Variants in DCLK3 observed in about 807,000 individuals in gnomAD.
The protein encoded by DCLK3 is doublecortin like kinase 3, also known as serine/threonine-protein kinase DCLK3.
DCLK3 carries 30 observed loss-of-function variants against 46.4 expected under a neutral mutation model. The ratio of observed to expected loss-of-function variants is 0.65; its 90% confidence interval spans 0.48 to 0.88. The LOEUF (loss-of-function observed/expected upper bound fraction) is 0.88, where lower values mean the gene tolerates loss of function less well. Among genes scored for constraint, DCLK3 ranks in the 40% least tolerant of loss-of-function variants. The pLI, the probability that DCLK3 is intolerant of heterozygous loss-of-function variation, is 0.00. For missense variants in DCLK3, 846 were observed against 907.1 expected, an observed-to-expected ratio of 0.93 and a Z score of 0.87; for synonymous variants, 401 against 339.2, an observed-to-expected ratio of 1.18 and a Z score of -2.00.
At chr3:36,735,549 C>G (rs561671451) in intron 2 of DCLK3, among the ~76,000 whole-genome samples, 1 of 152,138 alleles carries the variant, frequency 6.6e-6, no homozygotes, top group African/African-American at 2.4e-5. Context: ...TACAGACAGG[C>G]AAATGCAACT....
At chr3:36,726,400 C>T (rs561811379) in intron 2 of DCLK3, among the ~76,000 whole-genome samples, 24 of 152,044 alleles carry the variant, frequency 1.6e-4, no homozygotes, top group African/African-American at 5.5e-4. Context: ...CTCATTAGTG[C>T]CACCACAGCT....
At chr3:36,718,681 C>G (rs1701018124) in intron 3 of DCLK3, among the ~76,000 whole-genome samples, 1 of 152,298 alleles carries the variant, frequency 6.6e-6, no homozygotes, top group Middle Eastern at 3.4e-3. Flanking sequence ...GTTAGAGAAG[C>G]CCCAGTCTAC....
chr3:36,717,978 C>T (rs770608885), intron 4 of DCLK3, 32 bp downstream of exon 4: 3 of 1,613,468 alleles, frequency 1.9e-6, no homozygotes, highest in African/African-American at 1.3e-5. Context: ...CCCATCCGCT[C>T]CTCTGCTGTG....
chr3:36,713,788 G>A lies in DCLK3; in HGVS notation c.*1540C>T, dbSNP rs1010501217. On this transcript the variant is annotated 3_prime_UTR_variant, in exon 5 of 5. Transcript: ENST00000636136. Reference sequence around the variant, plus strand: ...ACCAACAGTTCAGCCAACCCCCATGGGCAGGTCCGTAGTTGGATGGCCCTT... The same window carrying A: ...ACCAACAGTTCAGCCAACCCCCATGAGCAGGTCCGTAGTTGGATGGCCCTT... 1 of 152,312 alleles carries A rather than the reference G, an allele frequency of 6.6e-6. No individual in the cohort carries two copies. The highest frequency in any genetic ancestry group is 2.1e-4 in the South Asian group (1 of 4,830). 9.4% of individuals were successfully genotyped at this position (152,312 alleles called of 1,614,324 possible).
rs763013993 is a variant in DCLK3 at position 36,737,993 on chromosome 3, T to G, written c.1174A>C (p.Lys392Gln). 6.2e-7 allele frequency: 1 copy of G among 1,614,090 alleles called. No homozygotes were observed. Among genetic ancestry groups the G allele is most frequent in the Non-Finnish European group, 8.5e-7 (1 of 1,180,052 alleles). Residue 392 changes from lysine to glutamine, a missense_variant, in exon 2 of 5, where the codon AAG becomes CAG. Lys to Gln is a moderately conservative substitution (Grantham distance 53, BLOSUM62 1). Coordinates refer to ENST00000636136, the MANE Select transcript of DCLK3 (RefSeq NM_001394672.2). The surrounding 1 kb of genome is among the most constrained non-coding windows in gnomAD (Gnocchi z 4.4). ...ELRRPSKSMD[K>Q]KEDRGPEDQE... ...TCCTCTGGGCCTCTGTCCTCTTTCTTGTCCATGCTCTTGCTGGGTCTCCTC... is the reference window on the plus strand; with the variant it reads ...TCCTCTGGGCCTCTGTCCTCTTTCTGGTCCATGCTCTTGCTGGGTCTCCTC...
rs1262239654 is a variant in DCLK3, at chr3:36,718,011, A to G, written c.2259T>C (p.Asp753=). Residue 753 remains aspartate, a splice_region_variant and synonymous_variant, in exon 4 of 5, where the codon GAT becomes GAC. Coordinates refer to ENST00000636136, the MANE Select transcript of DCLK3 (RefSeq NM_001394672.2). ...GTGTGAGGAAGCCCCAAATCTCACC[A>G]TCAGAGATATTGTCCCAGTAAGGGG... ...FLPPYWDNIS[D]AAKDLVSRLL... The G allele has an allele frequency of 6.2e-7, 1 of 1,614,142 alleles. No individual in the cohort carries two copies.
chr3:36,735,891 G>A (rs1701255640), intron 2 of DCLK3, among the ~76,000 whole-genome samples: 1 of 152,182 alleles, frequency 6.6e-6, no homozygotes, highest in South Asian at 2.1e-4. Flanking sequence ...TCTAGGTTTG[G>A]GAGCACAATC....
chr3:36,734,990 T>A (rs1701243175), intron 2 of DCLK3, among the ~76,000 whole-genome samples: 1 of 152,222 alleles, frequency 6.6e-6, no homozygotes. Context: ...AACCAACTGG[T>A]TCCAGGATCT....
At chr3:36,723,636 G>C (rs1701089531) in intron 2 of DCLK3, among the ~76,000 whole-genome samples, 1 of 152,198 alleles carries the variant, frequency 6.6e-6, no homozygotes, top group South Asian at 2.1e-4. Context: ...CAAACGTAGA[G>C]CTCGAGTTGT....
chr3:36,738,380 T>G lies in DCLK3; in HGVS notation c.787A>C (p.Lys263Gln). The G allele has an allele frequency of 6.7e-7, 1 of 1,497,578 alleles. No homozygotes were observed. Among genetic ancestry groups the G allele is most frequent in the African/African-American group, 1.4e-5 (1 of 70,642 alleles). The allele number at this position is 1,497,578 out of a possible 1,614,324, so 92.8% of individuals were successfully genotyped here. ...SLDDRARTQKKWGRGKWEPEP... is the reference protein window; with the variant it reads ...SLDDRARTQKQWGRGKWEPEP... ...GGCTCCCATTTCCCCCTCCCCCACTTCTTCTGGGTCCTCGCTCTGTCATCT... is the reference window on the plus strand; with the variant it reads ...GGCTCCCATTTCCCCCTCCCCCACTGCTTCTGGGTCCTCGCTCTGTCATCT... The change falls in exon 2 of 5, where the codon AAG (lysine) becomes CAG (glutamine). Residue 263 changes from lysine (K) to glutamine (Q), a missense_variant. By Grantham distance (53) the Lys-to-Gln change is moderately conservative. Around this residue, in one of 3 missense-constraint regions of DCLK3, gnomAD observed 553 missense variants for 543.0 expected, o/e 1.02. Transcript: ENST00000636136.
intron 2 of DCLK3, among the ~76,000 whole-genome samples, chr3:36,732,190 G>A (rs1181880270): frequency 1.3e-5 from 2 of 152,182 alleles, no homozygotes; most frequent in Non-Finnish European, 2.9e-5. Flanking sequence ...CTTTAAAATT[G>A]TTTTTGTTGC....
chr3:36,759,421 G>C (rs1044813950), intron 1 of DCLK3, among the ~76,000 whole-genome samples: 1 of 152,164 alleles, frequency 6.6e-6, no homozygotes, highest in Non-Finnish European at 1.5e-5. Flanking sequence ...TTTTCCAGAT[G>C]GCAAGGCTGA....
At chr3:36,753,107 G>A (rs1048485628) in intron 1 of DCLK3, among the ~76,000 whole-genome samples, 5 of 152,130 alleles carry the variant, frequency 3.3e-5, no homozygotes, top group African/African-American at 7.2e-5. Flanking sequence ...AATTTTTAGT[G>A]GATGGTAGTT....
intron 3 of DCLK3, among the ~76,000 whole-genome samples, chr3:36,720,459 C>G (rs1192700582): frequency 6.6e-6 from 1 of 151,630 alleles, no homozygotes; most frequent in Non-Finnish European, 1.5e-5. Context: ...CTAGTCTTCT[C>G]CATGTCTCTA....
intron 1 of DCLK3, among the ~76,000 whole-genome samples, chr3:36,751,803 G>T (rs1010247267): frequency 6.6e-6 from 1 of 152,234 alleles, no homozygotes; most frequent in Non-Finnish European, 1.5e-5. Flanking sequence ...TGCCAGGTAT[G>T]TGGTAGGCTG....
intron 1 of DCLK3, among the ~76,000 whole-genome samples, chr3:36,759,140 T>C (rs1701514428): frequency 1.3e-5 from 2 of 152,254 alleles, no homozygotes; most frequent in South Asian, 4.1e-4. Flanking sequence ...AGAATTTTTT[T>C]CCTTTAAAGG....
chr3:36,742,192 A>G (rs1701350873), intron 1 of DCLK3, among the ~76,000 whole-genome samples: 1 of 152,220 alleles, frequency 6.6e-6, no homozygotes, highest in Non-Finnish European at 1.5e-5. Flanking sequence ...CAATAGGACC[A>G]GTGGCCTCAA....
rs2063471839 is a variant in DCLK3 at position 36,715,173 on chromosome 3, A to C, written c.*155T>G. The C allele has an allele frequency of 8.6e-6, 7 of 815,900 alleles. No individual in the cohort carries two copies. Among genetic ancestry groups the C allele is most frequent in the Non-Finnish European group, 1.3e-5 (7 of 557,586 alleles). The allele number at this position is 815,900 out of a possible 1,614,324, so 50.5% of individuals were successfully genotyped here. A position where few individuals can be genotyped will look rare whatever the true frequency, so the allele number is the denominator to read the frequency against. Reference sequence around the variant, plus strand: ...ATGTTGTGACATTTAACATTGACTTAATTTTTTTAATATGCTTTAAAATAT... The same window carrying C: ...ATGTTGTGACATTTAACATTGACTTCATTTTTTTAATATGCTTTAAAATAT... On this transcript the variant is annotated 3_prime_UTR_variant, in exon 5 of 5. Coordinates refer to ENST00000636136, the MANE Select transcript of DCLK3 (RefSeq NM_001394672.2).
rs553197278 is a variant in DCLK3, at chr3:36,728,485, G to A, written c.1960-6826C>T. Among the ~76,000 whole-genome samples the A allele has an allele frequency of 5.9e-5, 9 of 152,228 alleles. No individual in the cohort carries two copies. In the South Asian group the frequency reaches 1.9e-3, roughly 32 times the overall value. On this transcript the variant is annotated intron_variant, in intron 2 of 4. Coordinates refer to ENST00000636136, the MANE Select transcript of DCLK3 (RefSeq NM_001394672.2). Reference sequence around the variant, plus strand: ...GCAGCATCCAGCCGGCTGGGGGCTTGGATAGAACGAAAGTAGGGAAAAGGC... The same window carrying A: ...GCAGCATCCAGCCGGCTGGGGGCTTAGATAGAACGAAAGTAGGGAAAAGGC...
Sources: gnomAD v4.1 joint callset for allele counts (sites outside exome capture counted in the v4.1 genomes callset) on GRCh38, gnomAD v4.1.1 for gene constraint, gnomAD v4.1.1 regional missense constraint, Gnocchi (gnomAD v3.1) non-coding constraint, MANE v1.5 for transcripts, NCBI Gene and HGNC (gene_info 2026-07-23, HGNC 2026-07-21) for gene names.